KRT4: variants seen among roughly 807,000 people sequenced by gnomAD.
The protein encoded by KRT4 is keratin, type II cytoskeletal 4.
Under a neutral mutation model 50.6 loss-of-function variants are expected in KRT4, and 47 were observed. The observed-to-expected ratio is 0.93, with a 90% CI of 0.73 to 1.18. KRT4 has a LOEUF of 1.18. Ranked by LOEUF, KRT4 falls within the 50% of genes most tolerant of loss-of-function variation. KRT4 has a pLI of 0.00. For synonymous variants in KRT4, 254 were observed against 251.2 expected (o/e 1.01, Z -0.10); for missense variants, 651 against 645.7 (o/e 1.01, Z -0.09).
chr12:52,809,076 G>A, intron 4 of KRT4: 1 of 644,468 alleles, frequency 1.6e-6, no homozygotes, highest in Non-Finnish European at 2.8e-6. Flanking sequence ...GTGAGTGCCG[G>A]TGTGTTGGAA....
chr12:52,807,897 A>G, intron 6 of KRT4, 33 bp from the exon 7 acceptor site: 1 of 1,593,782 alleles, frequency 6.3e-7, no homozygotes, highest in Non-Finnish European at 8.6e-7. Context: ...GGTGGTCAGC[A>G]GTGCCCTGCC....
At chr12:52,809,542 A>T in intron 3 of KRT4, 64 bp from the exon 4 acceptor site, 1 of 1,141,606 alleles carries the variant, frequency 8.8e-7, no homozygotes. Context: ...ACGGGTTACT[A>T]AGTGACACCG....
rs753189912 is a variant in KRT4 at position 52,807,724 on chromosome 12, G to A, written c.1266C>T (p.Tyr422=). The A allele has an allele frequency of 1.1e-5, 17 of 1,614,144 alleles. No homozygotes were observed. The highest frequency in any genetic ancestry group is 1.4e-5 in the Non-Finnish European group (17 of 1,180,034). Residue 422 remains tyrosine (Y), a synonymous_variant, in exon 7 of 9, where the codon TAC becomes TAT. Transcript: ENST00000551956. ...CCAGCTTCACACTCATGAGCTCCTGGTACTCACGCAGCATTCGTGCCAGCT... is the reference window on the plus strand; with the variant it reads ...CCAGCTTCACACTCATGAGCTCCTGATACTCACGCAGCATTCGTGCCAGCT... The part of the protein sequence containing the change: ...KEELARMLRE[Y]QELMSVKLAL...
At position 52,808,280 on chromosome 12, in the gene KRT4, G is replaced by A. The variant is rs1042083411; in HGVS notation, c.1125+14C>T. 1.2e-6 allele frequency: 2 copies of A among 1,613,976 alleles called. No individual in the cohort carries two copies. Among genetic ancestry groups the A allele is most frequent in the Non-Finnish European group, 1.7e-6 (2 of 1,179,998 alleles). ...CCTGGCCTTGTGCTCCATCTGGAAG[G>A]GAGTGACACCCACCTGCTTCTTGAT... On this transcript the variant is annotated intron_variant, in intron 6 of 8. Coordinates refer to ENST00000551956, the MANE Select transcript of KRT4 (RefSeq NM_002272.4).
chr12:52,807,716 A>G lies in KRT4; in HGVS notation c.1274T>C (p.Leu425Pro), dbSNP rs1344431220. Residue 425 changes from leucine (L) to proline (P), a missense_variant, in exon 7 of 9, where the codon CTC becomes CCC. Coordinates refer to ENST00000551956, the MANE Select transcript of KRT4 (RefSeq NM_002272.4). ...LARMLREYQE[L>P]MSVKLALDIE... Reference sequence around the variant, plus strand: ...GTCCAAGGCCAGCTTCACACTCATGAGCTCCTGGTACTCACGCAGCATTCG... The same window carrying G: ...GTCCAAGGCCAGCTTCACACTCATGGGCTCCTGGTACTCACGCAGCATTCG... 4 of 1,614,020 alleles carry G rather than the reference A, an allele frequency of 2.5e-6. No homozygotes were observed. Among genetic ancestry groups the G allele is most frequent in the Non-Finnish European group, 3.4e-6 (4 of 1,179,996 alleles).
rs772283502 is a variant in KRT4, at chr12:52,808,734, C to T, written c.951G>A (p.Glu317=). The change falls in exon 5 of 9, where the codon GAG becomes GAA. Residue 317 remains glutamate, a synonymous_variant. Coordinates refer to ENST00000551956, the MANE Select transcript of KRT4 (RefSeq NM_002272.4). ...IIAEVRAQYE[E]IAQRSKAEAE... ...CCTCAGCCTTGCTCCTCTGGGCAAT[C>T]TCCTCGTACTGGGCACGGACCTCGG... is the stretch of plus-strand genomic sequence containing the variant. 1.2e-6 allele frequency: 2 copies of T among 1,614,080 alleles called. No individual in the cohort carries two copies. The highest frequency in any genetic ancestry group is 1.7e-5 in the Admixed American group (1 of 60,002).
At position 52,808,361 on chromosome 12, in the gene KRT4, C is replaced by T. The variant is rs1283271769; in HGVS notation, c.1058G>A (p.Ser353Asn). 1 of 1,614,164 alleles carries T rather than the reference C, an allele frequency of 6.2e-7. No homozygotes were observed. Among genetic ancestry groups the T allele is most frequent in the Non-Finnish European group, 8.5e-7 (1 of 1,180,026 alleles). The stretch of plus-strand genomic sequence containing the variant: ...CATCCTGTTGAGCTCTGCAATTTCA[C>T]TCTTGGTGTTCTTCAGGTTGTCACC... ...QHGDNLKNTKSEIAELNRMIQ... is the reference protein window; with the variant it reads ...QHGDNLKNTKNEIAELNRMIQ... The change falls in exon 6 of 9, where the codon AGT (serine) becomes AAT (asparagine). Residue 353 changes from serine to asparagine, a missense_variant. Ser to Asn is a conservative substitution (Grantham distance 46, BLOSUM62 1). Coordinates refer to ENST00000551956, the MANE Select transcript of KRT4 (RefSeq NM_002272.4).
Position 52,807,161 on chromosome 12 carries a change from C to T in KRT4, c.1471G>A (p.Gly491Ser), listed in dbSNP as rs756121638. The change falls in exon 9 of 9, where the codon GGC becomes AGC. Residue 491 changes from glycine (G) to serine (S), a missense_variant. Gly to Ser is a moderately conservative substitution (Grantham distance 56). Transcript: ENST00000551956. ...GFGLSSGFGSGSGSGFGFGGS... is the reference protein window; with the variant it reads ...GFGLSSGFGSSSGSGFGFGGS... ...CCAAACCCAAAGCCACTTCCAGAGCCGGAGCCAAAGCCACTACTCAGGCCA... is the reference window on the plus strand; with the variant it reads ...CCAAACCCAAAGCCACTTCCAGAGCTGGAGCCAAAGCCACTACTCAGGCCA... 2.4e-5 allele frequency: 39 copies of T among 1,614,042 alleles called. No individual in the cohort carries two copies. Among genetic ancestry groups the T allele is most frequent in the South Asian group, 2.0e-4 (18 of 91,082 alleles).
At chr12:52,810,490 T>A (rs1939890011) in intron 3 of KRT4, among the ~76,000 whole-genome samples, 1 of 151,992 alleles carries the variant, frequency 6.6e-6, no homozygotes, top group Non-Finnish European at 1.5e-5. Context: ...GAGCTTGCAG[T>A]GACCCAAGAT....
rs1036659068 is a variant in KRT4 at position 52,811,844 on chromosome 12, A to C, written c.596T>G (p.Leu199Arg). Residue 199 changes from leucine to arginine, a missense_variant, in exon 2 of 9, where the codon CTA becomes CGA. Leu to Arg is a moderately radical substitution (Grantham distance 102, BLOSUM62 -2). Transcript: ENST00000551956. ...ETYLSVLRKQ[L>R]DTLGNDKGRL... is the part of the protein sequence containing the mutation. ...CCCTTTGTCATTGCCCAAGGTATCT[A>C]GCTGCTTCCTCAGGACACTGAGGTA... is the stretch of plus-strand genomic sequence containing the variant. 1 of 1,614,046 alleles carries C rather than the reference A, an allele frequency of 6.2e-7. No individual in the cohort carries two copies. Among genetic ancestry groups the C allele is most frequent in the Non-Finnish European group, 8.5e-7 (1 of 1,180,012 alleles).
intron 2 of KRT4, 83 bp downstream of exon 2, chr12:52,811,680 T>C (rs922371629): frequency 3.8e-5 from 43 of 1,146,198 alleles, no homozygotes; most frequent in Non-Finnish European, 5.5e-5. Flanking sequence ...CCTGAGATTC[T>C]AAGCCACTGG....
intron 4 of KRT4, 148 bp from the exon 5 acceptor site, chr12:52,808,998 G>A (rs1181820221): frequency 9.3e-6 from 8 of 861,244 alleles, no homozygotes; most frequent in Non-Finnish European, 1.5e-5. Context: ...GGTTGTGACA[G>A]TTCAGGATGG....
Position 52,806,955 on chromosome 12 carries a change from G to T in KRT4, c.*114C>A. 1.0e-6 allele frequency: 1 copy of T among 990,494 alleles called. No individual in the cohort carries two copies. Among genetic ancestry groups the T allele is most frequent in the Middle Eastern group, 2.9e-4 (1 of 3,438 alleles). 61.4% of individuals were successfully genotyped at this position (990,494 alleles called of 1,614,324 possible). On this transcript the variant is annotated 3_prime_UTR_variant, in exon 9 of 9. Coordinates refer to ENST00000551956, the MANE Select transcript of KRT4 (RefSeq NM_002272.4). ...GAGAGAGCCCATGGGATAGTGGAGG[G>T]GATACTAGTAAGATGAGCCCCAGAG...
In KRT4 at chr12:52,808,275, G is replaced by A. The variant is rs1205637027; in HGVS notation, c.1125+19C>T. 1 of 1,613,992 alleles carries A rather than the reference G, an allele frequency of 6.2e-7. No individual in the cohort carries two copies. On this transcript the variant is annotated intron_variant, in intron 6 of 8. Coordinates refer to ENST00000551956, the MANE Select transcript of KRT4 (RefSeq NM_002272.4). ...AGGCCCCTGGCCTTGTGCTCCATCT[G>A]GAAGGGAGTGACACCCACCTGCTTC...
rs1387169850 is a variant in KRT4 at position 52,806,763 on chromosome 12, A to T, written c.*306T>A. 3 of 458,594 alleles carry T rather than the reference A, an allele frequency of 6.5e-6. No individual in the cohort carries two copies. The highest frequency in any genetic ancestry group is 1.2e-5 in the Non-Finnish European group (3 of 247,594). 28.4% of individuals were successfully genotyped at this position (458,594 alleles called of 1,614,324 possible). A position where few individuals can be genotyped will look rare whatever the true frequency, so the allele number is the denominator to read the frequency against. ...GGAAGGGACATATGTGACCCCAATAATTCTGGAGATGACACTCCTGGTCAT... is the reference window on the plus strand; with the variant it reads ...GGAAGGGACATATGTGACCCCAATATTTCTGGAGATGACACTCCTGGTCAT... On this transcript the variant is annotated 3_prime_UTR_variant, in exon 9 of 9. Transcript: ENST00000551956.
chr12:52,810,187 G>T (rs1251140034), intron 3 of KRT4, among the ~76,000 whole-genome samples: 1 of 152,152 alleles, frequency 6.6e-6, no homozygotes, highest in Admixed American at 6.5e-5. Context: ...TACTCTAAAA[G>T]CCCTGACTTC....
In KRT4 at chr12:52,808,727, G is replaced by A; in HGVS notation, c.958C>T (p.Gln320Ter). 1 of 1,614,134 alleles carries A rather than the reference G, an allele frequency of 6.2e-7. No individual in the cohort carries two copies. The stretch of plus-strand genomic sequence containing the variant: ...GCTTCAGCCTCAGCCTTGCTCCTCT[G>A]GGCAATCTCCTCGTACTGGGCACGG... ...EVRAQYEEIA[Q>*]RSKAEAEALY... The change falls in exon 5 of 9, where the codon CAG becomes TAG. Residue 320 changes from glutamine to a stop codon, truncating the protein, a stop_gained. Coordinates refer to ENST00000551956, the MANE Select transcript of KRT4 (RefSeq NM_002272.4). LOFTEE classifies it high-confidence loss of function.
rs1939951457 is a variant in KRT4 at position 52,813,675 on chromosome 12, AG to A, written c.383del (p.Pro128LeufsTer31). 6.2e-7 allele frequency: 1 copy of A among 1,613,986 alleles called. No individual in the cohort carries two copies. Among genetic ancestry groups the A allele is most frequent in the Non-Finnish European group, 8.5e-7 (1 of 1,179,978 alleles). ...CTTCCGTCCGGACTTTCTGGATCTC[AG>A]GGTCAATCTCCACGTGGAGGGGGGT... Reference protein sequence around the residue: ...LLTPLHVEIDPEIQKVRTEER... With the variant: ...LLTPLHVEIDXEIQKVRTEER... On this transcript the variant is annotated frameshift_variant, in exon 1 of 9. Coordinates refer to ENST00000551956, the MANE Select transcript of KRT4 (RefSeq NM_002272.4). LOFTEE classifies it high-confidence loss of function.
rs374630119 is a variant in KRT4, at chr12:52,808,843, G to A, written c.842C>T (p.Ser281Phe). Residue 281 changes from serine (S) to phenylalanine (F), a missense_variant, in exon 5 of 9, where the codon TCC becomes TTC. By Grantham distance (155) the Ser-to-Phe change is radical. Coordinates refer to ENST00000551956, the MANE Select transcript of KRT4 (RefSeq NM_002272.4). The stretch of plus-strand genomic sequence containing the variant: ...GTCGCTGACATGGGTCTGCATCTGG[G>A]ACAGCTCCTGCAGGGCAAATGTCTC... ...FLKVLYDAEL[S>F]QMQTHVSDTS... The A allele has an allele frequency of 4.3e-6, 7 of 1,614,138 alleles. No homozygotes were observed. Among genetic ancestry groups the A allele is most frequent in the African/African-American group, 1.3e-5 (1 of 75,058 alleles).
Sources: allele counts gnomAD v4.1 joint callset (sites outside exome capture counted in the v4.1 genomes callset), GRCh38; gene constraint gnomAD v4.1.1; transcripts MANE v1.5; gene names NCBI Gene and HGNC (gene_info 2026-07-23, HGNC 2026-07-21).